FAM135B: variants seen among roughly 807,000 people sequenced by gnomAD.
FAM135B encodes protein FAM135B.
A neutral mutation model predicts 127.7 loss-of-function variants in FAM135B; 43 were observed. That is an observed-to-expected ratio of 0.34 (90% CI 0.26 to 0.43). FAM135B has a LOEUF of 0.43. Ranked by LOEUF, FAM135B falls within the 20% of genes least tolerant of loss-of-function variation. FAM135B has a pLI of 1.00. For synonymous variants in FAM135B, 670 were observed against 665.1 expected, an observed-to-expected ratio of 1.01 and a Z score of -0.11; for missense variants, 1,558 against 1,725.6, an observed-to-expected ratio of 0.90 and a Z score of 1.72.
At chr8:138,246,360 G>A (rs1245852555) in intron 6 of FAM135B, among the ~76,000 whole-genome samples, 2 of 152,134 alleles carry the variant, frequency 1.3e-5, no homozygotes, top group African/African-American at 4.8e-5. Context: ...TTGAGGGCCT[G>A]GGACCAGGGC....
intron 7 of FAM135B, among the ~76,000 whole-genome samples, chr8:138,235,366 T>A (rs1820193712): frequency 6.6e-6 from 1 of 152,214 alleles, no homozygotes; most frequent in Non-Finnish European, 1.5e-5. Flanking sequence ...TTGATTAATG[T>A]TTGATTAGTG....
intron 2 of FAM135B, among the ~76,000 whole-genome samples, chr8:138,342,494 C>T (rs763073391): frequency 6.6e-6 from 1 of 152,186 alleles, no homozygotes; most frequent in Admixed American, 6.5e-5. Context: ...CGACCAAGAG[C>T]CCTTCAGGTG....
At position 138,132,541 on chromosome 8, in the gene FAM135B, A is replaced by T. The variant is rs2130478907; in HGVS notation, c.*52T>A. 1.3e-6 allele frequency: 2 copies of T among 1,482,398 alleles called. No homozygotes were observed. Among genetic ancestry groups the T allele is most frequent in the Non-Finnish European group, 1.9e-6 (2 of 1,063,420 alleles). 91.8% of individuals were successfully genotyped at this position (1,482,398 alleles called of 1,614,324 possible). A position where few individuals can be genotyped will look rare whatever the true frequency, so the allele number is the denominator to read the frequency against. ...AGGTCTGTAAAAGCAGGTCTCAGCT[A>T]AAGCTCTCCACCGATCGTAAGCATT... On this transcript the variant is annotated 3_prime_UTR_variant, in exon 20 of 20. Coordinates refer to ENST00000395297, the MANE Select transcript of FAM135B (RefSeq NM_015912.4). This position sits in a 1 kb window ranked among gnomAD's most constrained non-coding sequence, Gnocchi z 4.5.
At chr8:138,142,980 C>T (rs902388837) in intron 16 of FAM135B, 32 bp downstream of exon 16, 1 of 1,171,126 alleles carries the variant, frequency 8.5e-7, no homozygotes, top group East Asian at 2.3e-5. Context: ...CCCCTCTTCC[C>T]CCAGCATTAA....
chr8:138,192,298 G>A (rs1269921844), intron 9 of FAM135B, among the ~76,000 whole-genome samples: 1 of 152,194 alleles, frequency 6.6e-6, no homozygotes, highest in Non-Finnish European at 1.5e-5. Context: ...CCTGGGCATA[G>A]GCCATACTAC....
chr8:138,490,460 C>G (rs979660596), intron 1 of FAM135B, among the ~76,000 whole-genome samples: 1 of 152,166 alleles, frequency 6.6e-6, no homozygotes, highest in Non-Finnish European at 1.5e-5. Flanking sequence ...GAGGGCATGC[C>G]TGGTTGGGAG....
chr8:138,243,565 C>T lies in FAM135B; in HGVS notation c.543-497G>A, dbSNP rs1195022649. Among the ~76,000 whole-genome samples, 2 of 152,180 alleles carry T rather than the reference C, an allele frequency of 1.3e-5. No individual in the cohort carries two copies. Among genetic ancestry groups the T allele is most frequent in the Non-Finnish European group, 2.9e-5 (2 of 68,032 alleles). Reference sequence around the variant, plus strand: ...ATACGATGTCAAAGACTGTCATAAGCCAGAAAGCACTCGCTGTGTCAACGC... The same window carrying T: ...ATACGATGTCAAAGACTGTCATAAGTCAGAAAGCACTCGCTGTGTCAACGC... On this transcript the variant is annotated intron_variant, in intron 6 of 19. Transcript: ENST00000395297. This position sits in a 1 kb window ranked among gnomAD's most constrained non-coding sequence, Gnocchi z 7.5.
At chr8:138,428,299 A>C (rs928616624) in intron 1 of FAM135B, among the ~76,000 whole-genome samples, 4 of 152,162 alleles carry the variant, frequency 2.6e-5, no homozygotes, top group Non-Finnish European at 5.9e-5. Flanking sequence ...AGAACTTGGG[A>C]CTCAAAACCA....
In FAM135B at chr8:138,241,941, GTC is replaced by G. The variant is rs1820814078; in HGVS notation, c.669+999_669+1000del. ...CAAAAAGACTGAGTGAGAGAAAACTGTCTCTCTTATTTATTGTCTTTGATCTG... is the reference window on the plus strand; with the variant it reads ...CAAAAAGACTGAGTGAGAGAAAACTGTCTCTTATTTATTGTCTTTGATCTG... On this transcript the variant is annotated intron_variant, in intron 7 of 19. Coordinates refer to ENST00000395297, the MANE Select transcript of FAM135B (RefSeq NM_015912.4). This position sits in a 1 kb window ranked among gnomAD's most constrained non-coding sequence, Gnocchi z 4.8. Among the ~76,000 whole-genome samples, 1 of 152,090 alleles carries G rather than the reference GTC, an allele frequency of 6.6e-6. No homozygotes were observed. Among genetic ancestry groups the G allele is most frequent in the African/African-American group, 2.4e-5 (1 of 41,410 alleles).
rs753590926 is a variant in FAM135B at position 138,242,980 on chromosome 8, C to T, written c.631G>A (p.Val211Ile). 55 of 1,613,798 alleles carry T rather than the reference C, an allele frequency of 3.4e-5. No individual in the cohort carries two copies. The highest frequency in any genetic ancestry group is 1.0e-4 in the Admixed American group (6 of 59,962). Residue 211 changes from valine (V) to isoleucine (I), a missense_variant, in exon 7 of 20, where the codon GTC becomes ATC. Physicochemically the swap from Val to Ile is conservative, Grantham distance 29. Transcript: ENST00000395297. The surrounding 1 kb of genome is among the most constrained non-coding windows in gnomAD (Gnocchi z 9.6). ...GGCTTGCAGTACCCAGCTCCAAAGA[C>T]CAAGTTTTCCAGAGAAATGATAGAC... ...EQSIISLENL[V>I]FGAGYCKPTS...
At chr8:138,140,386 AGTTGTTAAGAACAT>A (rs1342051528) in intron 17 of FAM135B, among the ~76,000 whole-genome samples, 1 of 152,244 alleles carries the variant, frequency 6.6e-6, no homozygotes, top group Non-Finnish European at 1.5e-5. Flanking sequence ...CTACTGAGGT[AGTTGTTAAGAACAT>A]GATTTAATAA....
At position 138,442,265 on chromosome 8, in the gene FAM135B, T is replaced by C. The variant is rs867990888; in HGVS notation, c.-20+54406A>G. 8.4e-5 allele frequency among the ~76,000 whole-genome samples: 11 copies of C among 130,508 alleles called. 1 individual carries two copies. The highest frequency in any genetic ancestry group is 2.3e-4 in the Admixed American group (3 of 12,866). The allele number at this position is 130,508 out of a possible 152,430, so 85.6% of individuals were successfully genotyped here. On this transcript the variant is annotated intron_variant, in intron 1 of 19. Transcript: ENST00000395297. ...ATATATATATATATATATATATATA[T>C]ATATATATATATGAAAAACCTTGGC...
intron 1 of FAM135B, among the ~76,000 whole-genome samples, chr8:138,427,037 C>T (rs561555910): frequency 6.6e-6 from 1 of 151,820 alleles, no homozygotes; most frequent in African/African-American, 2.4e-5. Flanking sequence ...GCAAAAGAAG[C>T]CAAACAGAAA....
intron 2 of FAM135B, among the ~76,000 whole-genome samples, chr8:138,325,434 T>C (rs1400457628): frequency 6.6e-6 from 1 of 152,016 alleles, no homozygotes; most frequent in Non-Finnish European, 1.5e-5. Flanking sequence ...CCTCCTTCCA[T>C]CACCACCACC....
chr8:138,468,362 T>A (rs1188846938), intron 1 of FAM135B, among the ~76,000 whole-genome samples: 3 of 152,222 alleles, frequency 2.0e-5, no homozygotes, highest in African/African-American at 7.2e-5. Context: ...TGCTGTTAGC[T>A]CTTCATGACT....
intron 7 of FAM135B, among the ~76,000 whole-genome samples, chr8:138,216,928 GGCTGTGGAGTCTACCA>G (rs1818592756): frequency 6.6e-6 from 1 of 152,156 alleles, no homozygotes; most frequent in Non-Finnish European, 1.5e-5. Flanking sequence ...CAGGGCTTTG[GGCTGTGGAGTCTACCA>G]GCTTCTTCAC....
At chr8:138,246,998 T>G (rs1033202548) in intron 6 of FAM135B, among the ~76,000 whole-genome samples, 1 of 152,228 alleles carries the variant, frequency 6.6e-6, no homozygotes, top group African/African-American at 2.4e-5. Flanking sequence ...ATGGGGCCTG[T>G]AGCCCCTTTG....
chr8:138,280,649 A>G lies in FAM135B; in HGVS notation c.158-14807T>C, dbSNP rs529728822. ...CACAGAACTTGGCACAGTGCTTGGAAAAAGCAAACTTTTTAATGACTGTGT... is the reference window on the plus strand; with the variant it reads ...CACAGAACTTGGCACAGTGCTTGGAGAAAGCAAACTTTTTAATGACTGTGT... On this transcript the variant is annotated intron_variant, in intron 3 of 19. Coordinates refer to ENST00000395297, the MANE Select transcript of FAM135B (RefSeq NM_015912.4). Among the ~76,000 whole-genome samples, 80 of 152,308 alleles carry G rather than the reference A, an allele frequency of 5.3e-4. 1 individual carries two copies. Among genetic ancestry groups the G allele is most frequent in the Admixed American group, 4.2e-3 (64 of 15,298 alleles).
chr8:138,314,724 T>TAAATAAATAAATAAATAAATAAA (rs56300482), intron 2 of FAM135B, among the ~76,000 whole-genome samples: 17 of 149,402 alleles, frequency 1.1e-4, no homozygotes, highest in South Asian at 2.1e-4. Flanking sequence ...AATAAATAAA[T>TAAATAAATAAATAAATAAATAAA]TAGCTGGGTG....
Sources: allele counts gnomAD v4.1 joint callset (sites outside exome capture counted in the v4.1 genomes callset), GRCh38; gene constraint gnomAD v4.1.1; non-coding constraint Gnocchi (gnomAD v3.1); transcripts MANE v1.5; gene names NCBI Gene and HGNC (gene_info 2026-07-23, HGNC 2026-07-21).